KANK1: variants seen among roughly 807,000 people sequenced by gnomAD.
KANK1 encodes KN motif and ankyrin repeat domains 1, also known as KN motif and ankyrin repeat domain-containing protein 1.
In KANK1, 109 loss-of-function variants were observed where a neutral mutation model predicts 106.2. The ratio of observed to expected loss-of-function variants is 1.03; its 90% CI spans 0.88 to 1.20. The LOEUF is 1.20. Ranked by LOEUF, KANK1 falls within the 50% of genes most tolerant of loss-of-function variation. The probability of loss-of-function intolerance (pLI) is 0.00; values close to 1 mark genes in which losing one functional copy is unlikely to be tolerated. For synonymous variants in KANK1, 873 were observed against 652.2 expected, an observed-to-expected ratio of 1.34 and a Z score of -5.16; for missense variants, 2,399 against 1,710.7, an observed-to-expected ratio of 1.40 and a Z score of -7.10.
intron 1 of KANK1, among the ~76,000 whole-genome samples, chr9:506,797 T>C (rs1414270385): frequency 6.6e-6 from 1 of 151,898 alleles, no homozygotes; most frequent in African/African-American, 2.4e-5. Flanking sequence ...AAGGATCTAG[T>C]TGGGGGCAGT....
chr9:546,723 G>T (rs924938579), intron 1 of KANK1, among the ~76,000 whole-genome samples: 21 of 135,334 alleles, frequency 1.6e-4, no homozygotes, highest in African/African-American at 5.9e-4. Context: ...CCTTATTTCT[G>T]TTTCTGGGCA....
At chr9:564,848 G>C (rs1311860258) in intron 1 of KANK1, among the ~76,000 whole-genome samples, 1 of 152,202 alleles carries the variant, frequency 6.6e-6, no homozygotes, top group Non-Finnish European at 1.5e-5. Flanking sequence ...GAGTCTCATT[G>C]ACATACAGTG....
At chr9:617,133 A>G (rs1001634353) in intron 1 of KANK1, among the ~76,000 whole-genome samples, 1 of 152,134 alleles carries the variant, frequency 6.6e-6, no homozygotes, top group African/African-American at 2.4e-5. Flanking sequence ...CATTCTTGCA[A>G]GGAATCATTA....
chr9:470,305 C>CG (rs1370913424), exon 1 of KANK1: 2 of 150,256 alleles, frequency 1.3e-5, no homozygotes, highest in Admixed American at 6.8e-5. Flanking sequence ...GAGGGTGTTT[C>CG]GGGGCGTCCG....
chr9:705,744 G>A (rs936812584), intron 2 of KANK1, among the ~76,000 whole-genome samples: 30 of 151,578 alleles, frequency 2.0e-4, no homozygotes, highest in East Asian at 3.9e-4. Flanking sequence ...GATTACAGGT[G>A]CCCGCCACTA....
chr9:638,322 G>A (rs1588471749), intron 1 of KANK1, among the ~76,000 whole-genome samples: 1 of 152,152 alleles, frequency 6.6e-6, no homozygotes. Context: ...TACCAGTAAA[G>A]CCTGCTGAGC....
chr9:744,989 G>A (rs1407162923), intron 11 of KANK1, 184 bp from the exon 12 acceptor site: 2 of 1,493,936 alleles, frequency 1.3e-6, no homozygotes, highest in Non-Finnish European at 1.8e-6. Context: ...GCCGGACATA[G>A]CACTGCTGAG....
Position 523,709 on chromosome 9 carries a change from C to G in KANK1, c.-84+18955C>G, listed in dbSNP as rs1046350881. 4.0e-5 allele frequency among the ~76,000 whole-genome samples: 6 copies of G among 151,666 alleles called. 1 individual carries two copies. Among genetic ancestry groups the G allele is most frequent in the African/African-American group, 1.5e-4 (6 of 40,980 alleles). ...TGGGGCTGGAGTGCTCTGTCCTCAC[C>G]TCAGTGAGGTCCTTGCTCAGATGTC... On this transcript the variant is annotated intron_variant, in intron 1 of 11. Coordinates refer to ENST00000382297, the MANE Select transcript of KANK1 (RefSeq NM_015158.5).
intron 1 of KANK1, among the ~76,000 whole-genome samples, chr9:541,653 A>T (rs1473085733): frequency 6.6e-6 from 1 of 152,218 alleles, no homozygotes; most frequent in Non-Finnish European, 1.5e-5. Context: ...TCTGCATAGA[A>T]AAGGAAACAA....
intron 1 of KANK1, among the ~76,000 whole-genome samples, chr9:532,364 C>CGTT (rs1295777308): frequency 1.2e-5 from 1 of 81,850 alleles, no homozygotes; most frequent in Non-Finnish European, 2.2e-5. Context: ...GCCTCAAGCA[C>CGTT]TTTTTTTTTT....
chr9:652,322 A>T (rs1303259058), intron 1 of KANK1, among the ~76,000 whole-genome samples: 1 of 152,116 alleles, frequency 6.6e-6, no homozygotes, highest in African/African-American at 2.4e-5. Context: ...GGAGTTCGAG[A>T]CCAGCCTGGC....
intron 11 of KANK1, chr9:744,937 G>A (rs1407141878): frequency 7.0e-7 from 1 of 1,438,392 alleles, no homozygotes; most frequent in African/African-American, 1.4e-5. Flanking sequence ...GCAGCCTGTA[G>A]TCCACAGTTC....
chr9:633,326 C>T (rs1033142048), intron 1 of KANK1, among the ~76,000 whole-genome samples: 3 of 151,954 alleles, frequency 2.0e-5, no homozygotes, highest in African/African-American at 7.2e-5. Context: ...GGCGTGGTGG[C>T]GGGCGCCTGT....
intron 1 of KANK1, among the ~76,000 whole-genome samples, chr9:566,581 G>GT (rs1817865541): frequency 6.6e-6 from 1 of 152,102 alleles, no homozygotes; most frequent in Non-Finnish European, 1.5e-5. Flanking sequence ...TCTCCTTGTG[G>GT]TTGTTATTTG....
At chr9:476,354 C>T (rs2058102597) in intron 3 of KANK1, among the ~76,000 whole-genome samples, 1 of 152,036 alleles carries the variant, frequency 6.6e-6, no homozygotes, top group African/African-American at 2.4e-5. Context: ...AACCCTGTCT[C>T]TACTAAAAAT....
chr9:581,412 C>T (rs1015535830), intron 1 of KANK1, among the ~76,000 whole-genome samples: 1 of 152,202 alleles, frequency 6.6e-6, no homozygotes, highest in Non-Finnish European at 1.5e-5. Flanking sequence ...TCTCGTAAAT[C>T]TGTTTTAAAA....
chr9:567,420 A>T lies in KANK1; in HGVS notation c.-84+62666A>T, dbSNP rs141162354. On this transcript the variant is annotated intron_variant, in intron 1 of 11. Transcript: ENST00000382297. The stretch of plus-strand genomic sequence containing the variant: ...TTTAGTTTTGGAAAGTGCTATTCTC[A>T]TTCTTGCTTTAAAGTTAAACTATAA... 2.6e-3 allele frequency among the ~76,000 whole-genome samples: 392 copies of T among 152,320 alleles called. 3 individuals carry two copies. Among genetic ancestry groups the T allele is most frequent in the Non-Finnish European group, 4.7e-3 (320 of 68,010 alleles).
chr9:622,755 G>T (rs1986565), intron 1 of KANK1, among the ~76,000 whole-genome samples: 96,984 of 151,658 alleles, frequency 0.64, 31,655 homozygotes, highest in South Asian at 0.74. Flanking sequence ...TACAAAAAAT[G>T]AGCCAGGCGT....
chr9:473,645 A>G (rs531490266), intron 3 of KANK1, among the ~76,000 whole-genome samples: 37 of 152,236 alleles, frequency 2.4e-4, no homozygotes, highest in African/African-American at 8.9e-4. Flanking sequence ...AACCACAGGC[A>G]CCTGTGATCA....
Sources: allele counts gnomAD v4.1 joint callset (sites outside exome capture counted in the v4.1 genomes callset), GRCh38; gene constraint gnomAD v4.1.1; transcripts MANE v1.5; gene names NCBI Gene and HGNC (gene_info 2026-07-23, HGNC 2026-07-21).